Variants in SMS observed in about 807,000 individuals in gnomAD.
SMS encodes spermine synthase.
Under a neutral mutation model 33.0 loss-of-function variants are expected in SMS, and 3 were observed. The ratio of observed to expected loss-of-function variants is 0.09; its 90% CI spans 0.04 to 0.23. The LOEUF is 0.23. Among genes scored for constraint, SMS ranks in the 10% least tolerant of loss-of-function variants. The probability of loss-of-function intolerance (pLI) is 1.00; values close to 1 mark genes in which losing one functional copy is unlikely to be tolerated. For synonymous variants in SMS, 103 were observed against 112.2 expected (o/e 0.92, Z 0.52); for missense variants, 117 against 288.6 (o/e 0.41, Z 4.31).
intron 1 of SMS, among the ~76,000 whole-genome samples, chrX:21,945,634 T>TCCCCCCCCCCCCCCCCCCCCCCCCCCCC (rs376720187): frequency 2.9e-5 from 1 of 34,142 alleles, no homozygotes; most frequent in Non-Finnish European, 5.8e-5. Context: ...TTGCTTCCCG[T>TCCCCCCCCCCCCCCCCCCCCCCCCCCCC]CCCCCCCCCC....
intron 1 of SMS, among the ~76,000 whole-genome samples, chrX:21,942,236 T>A (rs1921864761): frequency 9.0e-6 from 1 of 111,222 alleles, no homozygotes; most frequent in Non-Finnish European, 1.9e-5. Flanking sequence ...TTTCTGAATT[T>A]CTGAGTACTC....
intron 2 of SMS, among the ~76,000 whole-genome samples, chrX:21,970,014 C>T (rs1319965679): frequency 8.8e-6 from 1 of 113,285 alleles, no homozygotes; most frequent in Non-Finnish European, 1.9e-5. Flanking sequence ...GGTTTCACCA[C>T]GTTGCCCAGG....
At chrX:21,947,102 T>C (rs1303765720) in intron 1 of SMS, among the ~76,000 whole-genome samples, 1 of 112,115 alleles carries the variant, frequency 8.9e-6, no homozygotes, top group Admixed American at 9.4e-5. Context: ...TTTGTGTGTT[T>C]TAAATAGCTA....
chrX:21,973,727 C>T (rs1251859682), intron 4 of SMS, among the ~76,000 whole-genome samples: 1 of 113,251 alleles, frequency 8.8e-6, no homozygotes, highest in African/African-American at 3.2e-5. Flanking sequence ...CCCCACATGG[C>T]TATTTAAAGT....
At chrX:21,945,633 G>GCC (rs1569340036) in intron 1 of SMS, among the ~76,000 whole-genome samples, 74 of 49,685 alleles carry the variant, frequency 1.5e-3, no homozygotes, top group African/African-American at 1.8e-3. Context: ...TTTGCTTCCC[G>GCC]TCCCCCCCCC....
intron 3 of SMS, among the ~76,000 whole-genome samples, 153 bp downstream of exon 3, chrX:21,972,143 T>G (rs1479245539): frequency 8.9e-6 from 1 of 112,692 alleles, no homozygotes; most frequent in Non-Finnish European, 1.9e-5. Flanking sequence ...AGTAGTTGTT[T>G]AGTTGTTTTT....
chrX:21,986,790 C>T (rs1925368681), intron 9 of SMS, among the ~76,000 whole-genome samples: 1 of 111,795 alleles, frequency 8.9e-6, no homozygotes, highest in Admixed American at 9.5e-5. Flanking sequence ...TCTTGGCATG[C>T]AGACACGCCC....
chrX:21,982,108 C>T (rs1283848236), intron 7 of SMS, among the ~76,000 whole-genome samples: 5 of 109,431 alleles, frequency 4.6e-5, no homozygotes, highest in South Asian at 3.9e-4. Flanking sequence ...CTGAGGTGGG[C>T]GGATCACGAG....
intron 7 of SMS, among the ~76,000 whole-genome samples, chrX:21,980,654 G>A (rs1924877049): frequency 9.1e-6 from 1 of 109,804 alleles, no homozygotes; most frequent in Admixed American, 9.9e-5. Flanking sequence ...AGATGAGGAT[G>A]CCTATTATCT....
intron 7 of SMS, among the ~76,000 whole-genome samples, chrX:21,981,553 A>G (rs1202511410): frequency 1.8e-5 from 2 of 112,113 alleles, no homozygotes; most frequent in Non-Finnish European, 1.9e-5. Flanking sequence ...AAAGGAATAC[A>G]CAAGGACCTA....
At position 21,992,726 on chromosome X, in the gene SMS, G is replaced by C. The variant is rs368702308; in HGVS notation, c.1061+14G>C. On this transcript the variant is annotated intron_variant, in intron 10 of 10. Transcript: ENST00000404933. Reference sequence around the variant, plus strand: ...ATACTTGGAATTGTATCCTTTGACCGTGACATTCTGTTGCCAGATCAAAGC... The same window carrying C: ...ATACTTGGAATTGTATCCTTTGACCCTGACATTCTGTTGCCAGATCAAAGC... 1 of 1,001,969 alleles carries C rather than the reference G, an allele frequency of 1.0e-6. No homozygotes were observed. Among genetic ancestry groups the C allele is most frequent in the Non-Finnish European group, 1.4e-6 (1 of 708,634 alleles). The allele number at this position is 1,001,969 out of a possible 1,213,427, so 82.6% of individuals were successfully genotyped here.
In SMS at chrX:21,954,578, C is replaced by T. The variant is rs747463663; in HGVS notation, c.50-12618C>T. On this transcript the variant is annotated intron_variant, in intron 1 of 10. Transcript: ENST00000404933. Reference sequence around the variant, plus strand: ...CATCTTTATTCTCCAGTGGCACTTACTTGTCCAGCACCTCCTAGGTGCTGA... The same window carrying T: ...CATCTTTATTCTCCAGTGGCACTTATTTGTCCAGCACCTCCTAGGTGCTGA... 3.8e-4 allele frequency among the ~76,000 whole-genome samples: 43 copies of T among 111,891 alleles called. 1 individual carries two copies. The highest frequency in any genetic ancestry group is 1.2e-3 in the African/African-American group (38 of 30,790).
intron 1 of SMS, among the ~76,000 whole-genome samples, chrX:21,944,539 A>AAAAAAAAAAAGAAAAAAAAG (rs776946474): frequency 1.2e-5 from 1 of 81,439 alleles, no homozygotes; most frequent in Non-Finnish European, 2.3e-5. Flanking sequence ...AAAAAAAAAA[A>AAAAAAAAAAAGAAAAAAAAG]AAAAAAGAAA....
intron 9 of SMS, among the ~76,000 whole-genome samples, chrX:21,987,838 GTTC>G (rs936601700): frequency 1.8e-5 from 2 of 112,271 alleles, no homozygotes; most frequent in African/African-American, 3.2e-5. Flanking sequence ...CCGAGTGGCT[GTTC>G]TTCTTTTGTT....
At chrX:21,955,343 C>T (rs1922903621) in intron 1 of SMS, among the ~76,000 whole-genome samples, 1 of 112,289 alleles carries the variant, frequency 8.9e-6, no homozygotes, top group African/African-American at 3.2e-5. Context: ...CTAAAGGAAA[C>T]CATTGTCATT....
intron 2 of SMS, among the ~76,000 whole-genome samples, chrX:21,968,586 C>T (rs1429664151): frequency 8.9e-6 from 1 of 111,960 alleles, no homozygotes; most frequent in African/African-American, 3.3e-5. Flanking sequence ...GACAGCTGAC[C>T]ACACTTGGAG....
At chrX:21,980,699 T>C (rs1924880612) in intron 7 of SMS, among the ~76,000 whole-genome samples, 1 of 110,333 alleles carries the variant, frequency 9.1e-6, no homozygotes, top group Non-Finnish European at 1.9e-5. Flanking sequence ...GCTGAGATAG[T>C]AAAGTAGATG....
chrX:21,984,268 G>T, intron 7 of SMS, 36 bp from the exon 8 acceptor site: 1 of 856,670 alleles, frequency 1.2e-6, no homozygotes, highest in Non-Finnish European at 1.8e-6. Context: ...ACATCCACAT[G>T]TTGGCTCACT....
chrX:21,975,868 A>C (rs1458156543), intron 4 of SMS, among the ~76,000 whole-genome samples: 1 of 110,906 alleles, frequency 9.0e-6, no homozygotes, highest in African/African-American at 3.3e-5. Context: ...TGAGCAGGGA[A>C]GGGAAAGAGA....
Sources: allele counts gnomAD v4.1 joint callset (sites outside exome capture counted in the v4.1 genomes callset), GRCh38; gene constraint gnomAD v4.1.1; transcripts MANE v1.5; gene names NCBI Gene and HGNC (gene_info 2026-07-23, HGNC 2026-07-21).